The following BEND5 variants were observed in gnomAD, a reference collection of about 807,000 sequenced individuals.
BEND5 encodes the protein BEN domain-containing protein 5.
In BEND5, 22 loss-of-function variants were observed where a neutral mutation model predicts 43.9. The observed-to-expected ratio is 0.50, with a 90% CI of 0.36 to 0.72. The LOEUF (loss-of-function observed/expected upper bound fraction) is 0.72. Among genes scored for constraint, BEND5 ranks in the 30% least tolerant of loss-of-function variants. The pLI, the probability that BEND5 is intolerant of heterozygous loss-of-function variation, is 0.00. For synonymous variants in BEND5, 228 were observed against 225.9 expected, an observed-to-expected ratio of 1.01 and a Z score of -0.08; for missense variants, 428 against 550.6, an observed-to-expected ratio of 0.78 and a Z score of 2.23.
rs529432839 is a variant in BEND5 at position 48,750,863 on chromosome 1, T to C, written c.745+8037A>G. Among the ~76,000 whole-genome samples, 182 of 152,180 alleles carry C rather than the reference T, an allele frequency of 1.2e-3. 1 individual carries two copies. Among genetic ancestry groups the C allele is most frequent in the Non-Finnish European group, 2.3e-3 (157 of 67,996 alleles). On this transcript the variant is annotated intron_variant, in intron 3 of 5. Coordinates refer to ENST00000371833, the MANE Select transcript of BEND5 (RefSeq NM_024603.4). ...TAGACGAGGTGAACTCTGGGGTTCC[T>C]TATAGGACTAAGGTCCTAGGACTCT...
In BEND5 at chr1:48,742,775, G is replaced by A. The variant is rs747515236; in HGVS notation, c.746-4C>T. The A allele has an allele frequency of 6.4e-7, 1 of 1,564,290 alleles. No homozygotes were observed. The highest frequency in any genetic ancestry group is 8.7e-7 in the Non-Finnish European group (1 of 1,152,192). ...TTTTCCAGATCAATGGCGGGACCTA[G>A]GCAGTTAAGAAAAGAAATCTGTCTA... On this transcript the variant is annotated splice_polypyrimidine_tract_variant and splice_region_variant and intron_variant, in intron 3 of 5. Transcript: ENST00000371833.
chr1:48,762,490 T>C (rs907810857), intron 1 of BEND5, among the ~76,000 whole-genome samples: 5 of 152,166 alleles, frequency 3.3e-5, no homozygotes, highest in African/African-American at 4.8e-5. Context: ...ACTTTAGAGA[T>C]TGCTGTTTCT....
chr1:48,764,493 GA>G (rs1644434441), intron 1 of BEND5, among the ~76,000 whole-genome samples: 1 of 152,156 alleles, frequency 6.6e-6, no homozygotes, highest in Non-Finnish European at 1.5e-5. Context: ...GGAAGGGGGG[GA>G]AATATTTGGA....
intron 3 of BEND5, among the ~76,000 whole-genome samples, chr1:48,744,769 A>G (rs1570461928): frequency 2.0e-5 from 3 of 152,294 alleles, no homozygotes; most frequent in East Asian, 3.9e-4. Context: ...CATGGCCTCC[A>G]TAAGGCCCAG....
intron 4 of BEND5, among the ~76,000 whole-genome samples, chr1:48,738,600 G>A (rs989892837): frequency 6.6e-6 from 1 of 152,172 alleles, no homozygotes; most frequent in Non-Finnish European, 1.5e-5. Flanking sequence ...CCTGAGATAG[G>A]AGAAAAACAA....
At chr1:48,750,168 G>C (rs1363503746) in intron 3 of BEND5, among the ~76,000 whole-genome samples, 1 of 152,292 alleles carries the variant, frequency 6.6e-6, no homozygotes, top group South Asian at 2.1e-4. Flanking sequence ...GCTGTTGATT[G>C]ATTTGCCTGA....
intron 4 of BEND5, among the ~76,000 whole-genome samples, chr1:48,741,455 G>A (rs572742120): frequency 8.2e-4 from 125 of 152,312 alleles, no homozygotes; most frequent in African/African-American, 2.8e-3. Flanking sequence ...CAAAGCTGAC[G>A]TTTCAAGCCT....
At chr1:48,769,120 C>A (rs1010665343) in intron 1 of BEND5, among the ~76,000 whole-genome samples, 1 of 152,152 alleles carries the variant, frequency 6.6e-6, no homozygotes, top group Admixed American at 6.5e-5. Flanking sequence ...CAGATCCATC[C>A]AGCTATGTGA....
chr1:48,760,334 G>A (rs1644188496), intron 2 of BEND5, among the ~76,000 whole-genome samples: 1 of 152,200 alleles, frequency 6.6e-6, no homozygotes, highest in Non-Finnish European at 1.5e-5. Flanking sequence ...TGTAGGAAGT[G>A]CAGACAACTG....
intron 3 of BEND5, among the ~76,000 whole-genome samples, chr1:48,755,805 A>G (rs1652457451): frequency 6.6e-6 from 1 of 152,156 alleles, no homozygotes; most frequent in South Asian, 2.1e-4. Flanking sequence ...CTACTTCCCA[A>G]TGTCTTAATC....
chr1:48,762,975 G>A (rs1034469780), intron 1 of BEND5, among the ~76,000 whole-genome samples: 1 of 151,954 alleles, frequency 6.6e-6, no homozygotes, highest in African/African-American at 2.4e-5. Flanking sequence ...AATAATTCAC[G>A]CAACCCACCG....
chr1:48,746,164 G>T (rs895949996), intron 3 of BEND5, among the ~76,000 whole-genome samples: 2 of 152,078 alleles, frequency 1.3e-5, no homozygotes, highest in African/African-American at 2.4e-5. Context: ...GATTAAATCA[G>T]ATAACTATAT....
intron 4 of BEND5, among the ~76,000 whole-genome samples, chr1:48,741,996 CTAA>C (rs1649986886): frequency 6.6e-6 from 1 of 152,162 alleles, no homozygotes; most frequent in Non-Finnish European, 1.5e-5. Flanking sequence ...GATTCCATTA[CTAA>C]TAATCTTAAG....
intron 3 of BEND5, among the ~76,000 whole-genome samples, chr1:48,755,899 A>G (rs192637934): frequency 1.3e-5 from 2 of 152,214 alleles, no homozygotes; most frequent in Non-Finnish European, 2.9e-5. Context: ...ATGAACAAAC[A>G]TATATAACCC....
intron 1 of BEND5, among the ~76,000 whole-genome samples, chr1:48,770,823 C>T (rs1644785753): frequency 6.6e-6 from 1 of 152,182 alleles, no homozygotes; most frequent in African/African-American, 2.4e-5. Flanking sequence ...GAATTAGTCC[C>T]TCCTTCCTTA....
intron 1 of BEND5, among the ~76,000 whole-genome samples, chr1:48,764,436 T>C (rs1644429932): frequency 1.3e-5 from 2 of 151,944 alleles, no homozygotes; most frequent in Non-Finnish European, 2.9e-5. Flanking sequence ...TAAAGGATGG[T>C]AAGAATCTGG....
chr1:48,769,434 T>C, intron 1 of BEND5, among the ~76,000 whole-genome samples: 1 of 151,330 alleles, frequency 6.6e-6, no homozygotes, highest in East Asian at 1.9e-4. Flanking sequence ...ACACAATAAA[T>C]GCCCCCAGGA....
chr1:48,728,007 T>C lies in BEND5; in HGVS notation c.1145A>G (p.Asp382Gly). The C allele has an allele frequency of 5.0e-6, 8 of 1,612,184 alleles. No homozygotes were observed. Among genetic ancestry groups the C allele is most frequent in the South Asian group, 1.1e-5 (1 of 90,808 alleles). ...GAGTCTCTGTGCAATTTCAGTTTCA[T>C]CCACAGTTTCTTGTGCTATTCTGTC... Reference protein sequence around the residue: ...LYDRIAQETVDETEIAQRLSK... With the variant: ...LYDRIAQETVGETEIAQRLSK... Residue 382 changes from aspartate (D) to glycine (G), a missense_variant, in exon 6 of 6, where the codon GAT becomes GGT. By Grantham distance (94) the Asp-to-Gly change is moderately conservative. Transcript: ENST00000371833.
At chr1:48,738,506 A>G (rs573316161) in intron 4 of BEND5, among the ~76,000 whole-genome samples, 32 of 152,366 alleles carry the variant, frequency 2.1e-4, no homozygotes, top group African/African-American at 7.5e-4. Flanking sequence ...CAGACTGGGC[A>G]TGCTGGGGAC....
Sources: allele counts gnomAD v4.1 joint callset (sites outside exome capture counted in the v4.1 genomes callset), GRCh38; gene constraint gnomAD v4.1.1; transcripts MANE v1.5; gene names NCBI Gene and HGNC (gene_info 2026-07-23, HGNC 2026-07-21).